Variants in CTNND2 observed in about 807,000 individuals in gnomAD.
The protein encoded by CTNND2 is catenin delta 2, also known as catenin delta-2.
CTNND2 carries 22 observed loss-of-function variants against 144.4 expected under a neutral mutation model. That is an observed-to-expected ratio of 0.15 (90% confidence interval 0.11 to 0.22). CTNND2 has a LOEUF of 0.22. Ranked by LOEUF, CTNND2 falls within the 10% of genes least tolerant of loss-of-function variation. The pLI, the probability that CTNND2 is intolerant of heterozygous loss-of-function variation, is 1.00. For missense variants in CTNND2, 1,353 were observed against 1,618.8 expected, an observed-to-expected ratio of 0.84 and a Z score of 2.82; for synonymous variants, 751 against 695.6, an observed-to-expected ratio of 1.08 and a Z score of -1.25.
At chr5:11,500,472 A>G (rs1222752629) in intron 3 of CTNND2, among the ~76,000 whole-genome samples, 2 of 152,238 alleles carry the variant, frequency 1.3e-5, no homozygotes, top group African/African-American at 2.4e-5. Context: ...CTTCCTGTTC[A>G]CTGTCATGGA....
intron 3 of CTNND2, among the ~76,000 whole-genome samples, chr5:11,524,436 T>C (rs1336667362): frequency 6.6e-6 from 1 of 152,210 alleles, no homozygotes; most frequent in African/African-American, 2.4e-5. Flanking sequence ...GGATTTTTAT[T>C]GTTCTTTTGT....
At chr5:11,531,504 T>C (rs752320726) in intron 3 of CTNND2, among the ~76,000 whole-genome samples, 1 of 152,120 alleles carries the variant, frequency 6.6e-6, no homozygotes, top group African/African-American at 2.4e-5. Context: ...CAGGCACCTG[T>C]AGTCCCAGCT....
intron 2 of CTNND2, among the ~76,000 whole-genome samples, chr5:11,633,873 A>T (rs1325176320): frequency 2.0e-5 from 3 of 152,178 alleles, no homozygotes; most frequent in Admixed American, 6.5e-5. Context: ...TCTTCTTCCA[A>T]TGTGAAGTAG....
At chr5:11,236,873 C>T in intron 9 of CTNND2, 50 bp from the exon 10 acceptor site, 1 of 1,592,506 alleles carries the variant, frequency 6.3e-7, no homozygotes, top group Non-Finnish European at 8.6e-7. Context: ...AATCCTACCA[C>T]ACTGTTAACA....
chr5:11,376,242 A>G (rs1054313706), intron 7 of CTNND2, among the ~76,000 whole-genome samples: 3 of 152,006 alleles, frequency 2.0e-5, no homozygotes, highest in Admixed American at 2.0e-4. Flanking sequence ...ACACTGACTC[A>G]GCCATGGAAA....
At chr5:11,777,999 T>G (rs1404026443) in intron 1 of CTNND2, among the ~76,000 whole-genome samples, 1 of 152,184 alleles carries the variant, frequency 6.6e-6, no homozygotes, top group African/African-American at 2.4e-5. Context: ...GTGTGCCACT[T>G]CGTGCACTAC....
intron 10 of CTNND2, among the ~76,000 whole-genome samples, chr5:11,207,384 T>TAAAAA (rs202182480): frequency 1.4e-5 from 2 of 139,972 alleles, no homozygotes; most frequent in South Asian, 4.6e-4. Context: ...TTCAAGTATT[T>TAAAAA]AAAAAAAAAA....
chr5:11,169,294 T>G (rs945770400), intron 11 of CTNND2, among the ~76,000 whole-genome samples: 3 of 152,198 alleles, frequency 2.0e-5, no homozygotes, highest in African/African-American at 7.2e-5. Flanking sequence ...GGGAGGATAC[T>G]TACTGCAGTA....
intron 3 of CTNND2, among the ~76,000 whole-genome samples, chr5:11,461,231 G>A (rs1298642760): frequency 1.3e-5 from 2 of 151,810 alleles, no homozygotes; most frequent in African/African-American, 2.4e-5. Flanking sequence ...ATAAACGTGC[G>A]CTGAAGGGAC....
At chr5:11,068,690 C>T (rs1293925920) in intron 16 of CTNND2, among the ~76,000 whole-genome samples, 2 of 152,092 alleles carry the variant, frequency 1.3e-5, no homozygotes, top group East Asian at 1.9e-4. Flanking sequence ...CCGAGGCGGG[C>T]GGATCACGAG....
intron 10 of CTNND2, among the ~76,000 whole-genome samples, chr5:11,202,570 C>T (rs1485053429): frequency 2.0e-5 from 3 of 152,132 alleles, no homozygotes; most frequent in Non-Finnish European, 4.4e-5. Context: ...AAACATTACT[C>T]AGAATTAAAA....
At chr5:11,277,007 C>T (rs1319601311) in intron 9 of CTNND2, among the ~76,000 whole-genome samples, 1 of 152,148 alleles carries the variant, frequency 6.6e-6, no homozygotes, top group African/African-American at 2.4e-5. Flanking sequence ...TGTTTTAAAC[C>T]ACATATTTAG....
intron 1 of CTNND2, among the ~76,000 whole-genome samples, chr5:11,808,141 C>T (rs1418992167): frequency 6.6e-6 from 1 of 152,196 alleles, no homozygotes; most frequent in African/African-American, 2.4e-5. Flanking sequence ...ATGGCCACTT[C>T]CTTCCCTGTC....
intron 1 of CTNND2, among the ~76,000 whole-genome samples, chr5:11,884,529 G>A (rs1736374327): frequency 6.6e-6 from 1 of 152,054 alleles, no homozygotes; most frequent in Admixed American, 6.6e-5. Flanking sequence ...CTGTTCCATT[G>A]CTCTATATAT....
rs1004102663 is a variant in CTNND2 at position 11,744,698 on chromosome 5, T to TGC, written c.38-12427_38-12426insGC. Among the ~76,000 whole-genome samples, 1,042 of 146,378 alleles carry TGC rather than the reference T, an allele frequency of 7.1e-3. 17 individuals are homozygous for TGC. The highest frequency in any genetic ancestry group is 0.027 in the African/African-American group (981 of 36,258). On this transcript the variant is annotated intron_variant, in intron 1 of 21. Transcript: ENST00000304623. ...GTGTGTGTGTGTTTGTGTGTGTGCGTGTGTGTGTGTGTGCACGTGTGTGTG... is the reference window on the plus strand; with the variant it reads ...GTGTGTGTGTGTTTGTGTGTGTGCGTGCGTGTGTGTGTGTGCACGTGTGTGTG...
chr5:11,116,393 A>G (rs1753550599), intron 13 of CTNND2, among the ~76,000 whole-genome samples: 1 of 152,254 alleles, frequency 6.6e-6, no homozygotes, highest in African/African-American at 2.4e-5. Flanking sequence ...ATGACAAAGA[A>G]TAATTCACCC....
intron 16 of CTNND2, among the ~76,000 whole-genome samples, chr5:11,047,464 C>T (rs191443131): frequency 3.7e-4 from 56 of 152,116 alleles, no homozygotes; most frequent in Admixed American, 9.2e-4. Context: ...AGGGAAGGGA[C>T]GGAGAGAGGG....
intron 15 of CTNND2, among the ~76,000 whole-genome samples, chr5:11,089,688 A>G (rs1210602386): frequency 6.6e-6 from 1 of 152,196 alleles, no homozygotes; most frequent in Admixed American, 6.5e-5. Flanking sequence ...AATTCTAACC[A>G]CTTCCACAAA....
rs776906848 is a variant in CTNND2 at position 11,384,989 on chromosome 5, A to G, written c.853T>C (p.Ser285Pro). The change falls in exon 7 of 22, where the codon TCG (serine) becomes CCG (proline). Residue 285 changes from serine (S) to proline (P), a missense_variant. Physicochemically the swap from Ser to Pro is moderately conservative, Grantham distance 74 (BLOSUM62 -1). Coordinates refer to ENST00000304623, the MANE Select transcript of CTNND2 (RefSeq NM_001332.4). This position sits in a 1 kb window ranked among gnomAD's most constrained non-coding sequence, Gnocchi z 5.2. ...GSPTKLQRGG[S>P]APEGATYAAP... ...GCGTAGGTGGCGCCCTCGGGGGCCG[A>G]GCCGCCGCGCTGCAGCTTGGTGGGC... 1 of 1,517,894 alleles carries G rather than the reference A, an allele frequency of 6.6e-7. No homozygotes were observed. The highest frequency in any genetic ancestry group is 1.2e-5 in the South Asian group (1 of 81,328). 94.0% of individuals were successfully genotyped at this position (1,517,894 alleles called of 1,614,324 possible).
Sources: allele counts gnomAD v4.1 joint callset (sites outside exome capture counted in the v4.1 genomes callset), GRCh38; gene constraint gnomAD v4.1.1; non-coding constraint Gnocchi (gnomAD v3.1); transcripts MANE v1.5; gene names NCBI Gene and HGNC (gene_info 2026-07-23, HGNC 2026-07-21).